Variants in SPTBN1 observed in about 807,000 individuals in gnomAD.
SPTBN1 encodes spectrin beta, non-erythrocytic 1.
In SPTBN1, 32 loss-of-function variants were observed where a neutral mutation model predicts 266.4. That is an observed-to-expected ratio of 0.12 (90% confidence interval 0.09 to 0.16). The LOEUF is 0.16. Among genes scored for constraint, SPTBN1 ranks in the 10% least tolerant of loss-of-function variants. SPTBN1 has a pLI of 1.00. For synonymous variants in SPTBN1, 1,336 were observed against 1,162.2 expected (o/e 1.15, Z -3.04); for missense variants, 2,296 against 3,067.1 (o/e 0.75, Z 5.94).
intron 1 of SPTBN1, among the ~76,000 whole-genome samples, chr2:54,464,081 T>C (rs1312794212): frequency 6.6e-6 from 1 of 152,196 alleles, no homozygotes; most frequent in African/African-American, 2.4e-5. Context: ...CATCACCTGT[T>C]GAGAGCATAT....
intron 6 of SPTBN1, among the ~76,000 whole-genome samples, 153 bp from the exon 7 acceptor site, chr2:54,617,925 G>C (rs1677719558): frequency 6.6e-6 from 1 of 151,908 alleles, no homozygotes; most frequent in South Asian, 2.1e-4. Context: ...CAAAAATCAG[G>C]TTTCATTGTT....
chr2:54,645,764 C>T lies in SPTBN1; in HGVS notation c.4495-164C>T, dbSNP rs1228657508. On this transcript the variant is annotated intron_variant, in intron 21 of 35. Coordinates refer to ENST00000356805, the MANE Select transcript of SPTBN1 (RefSeq NM_003128.3). The surrounding 1 kb of genome is among the most constrained non-coding windows in gnomAD (Gnocchi z 4.3). Reference sequence around the variant, plus strand: ...AGAGTTGGAAAGACTCTCCCTAGCCCTGTCTCGGAGAACAAGGGCGTGCTT... The same window carrying T: ...AGAGTTGGAAAGACTCTCCCTAGCCTTGTCTCGGAGAACAAGGGCGTGCTT... Among the ~76,000 whole-genome samples the T allele has an allele frequency of 6.6e-6, 1 of 152,210 alleles. No individual in the cohort carries two copies. Among genetic ancestry groups the T allele is most frequent in the Non-Finnish European group, 1.5e-5 (1 of 68,028 alleles).
intron 3 of SPTBN1, among the ~76,000 whole-genome samples, chr2:54,601,447 A>G (rs146749858): frequency 1.4e-3 from 211 of 152,292 alleles, no homozygotes; most frequent in African/African-American, 5.0e-3. Context: ...CCAGGACCTC[A>G]AGTTAAAGAT....
At chr2:54,665,412 G>A (rs1681304527) in intron 33 of SPTBN1, among the ~76,000 whole-genome samples, 1 of 152,174 alleles carries the variant, frequency 6.6e-6, no homozygotes, top group Non-Finnish European at 1.5e-5. Flanking sequence ...TACCATAGGG[G>A]AAAAGCCACT....
intron 1 of SPTBN1, among the ~76,000 whole-genome samples, chr2:54,467,205 C>T (rs537085163): frequency 6.8e-6 from 1 of 147,188 alleles, no homozygotes; most frequent in Non-Finnish European, 1.5e-5. Context: ...TCTTCACCAG[C>T]TGTAAAGTCT....
intron 16 of SPTBN1, among the ~76,000 whole-genome samples, chr2:54,631,923 C>T (rs1469927417): frequency 2.6e-5 from 4 of 151,872 alleles, no homozygotes; most frequent in African/African-American, 7.3e-5. Context: ...TTAAAAGATA[C>T]AGTGAGGGCC....
chr2:54,581,772 A>C (rs1245283180), intron 2 of SPTBN1, among the ~76,000 whole-genome samples: 1 of 152,038 alleles, frequency 6.6e-6, no homozygotes, highest in African/African-American at 2.4e-5. Flanking sequence ...ATTAAACTTC[A>C]TTAATCCTAA....
chr2:54,571,554 CACACACACACACACACACACAT>C (rs1423861056), intron 2 of SPTBN1, among the ~76,000 whole-genome samples: 4 of 48,454 alleles, frequency 8.3e-5, no homozygotes, highest in African/African-American at 2.5e-4. Context: ...TGTACACACA[CACACACACACACACACACACAT>C]ACACACACAC....
At chr2:54,534,932 C>T (rs996902359) in intron 2 of SPTBN1, 1 of 152,278 alleles carries the variant, frequency 6.6e-6, no homozygotes, top group Non-Finnish European at 1.5e-5. Context: ...CAGAGAACCT[C>T]TCTTGATCCT....
chr2:54,552,847 A>C (rs1672657858), intron 2 of SPTBN1, among the ~76,000 whole-genome samples: 1 of 152,182 alleles, frequency 6.6e-6, no homozygotes, highest in Non-Finnish European at 1.5e-5. Flanking sequence ...GTAAGTTGAG[A>C]AGTGGTCTCA....
At chr2:54,567,205 A>C (rs1241830744) in intron 2 of SPTBN1, among the ~76,000 whole-genome samples, 1 of 152,196 alleles carries the variant, frequency 6.6e-6, no homozygotes, top group African/African-American at 2.4e-5. Flanking sequence ...GTTCAGGGTT[A>C]CTGGACCTTA....
intron 2 of SPTBN1, among the ~76,000 whole-genome samples, chr2:54,576,075 G>GTTTTTTTTTTTTTTTTTT (rs1674454332): frequency 9.0e-5 from 1 of 11,056 alleles, no homozygotes; most frequent in Non-Finnish European, 2.0e-4. Context: ...TTTTTTTTGA[G>GTTTTTTTTTTTTTTTTTT]AGACAGTCTG....
intron 1 of SPTBN1, among the ~76,000 whole-genome samples, chr2:54,477,221 T>C (rs1667877665): frequency 6.6e-6 from 1 of 152,188 alleles, no homozygotes; most frequent in South Asian, 2.1e-4. Flanking sequence ...ATTTTATGCC[T>C]GCGTATGTAA....
intron 1 of SPTBN1, chr2:54,516,088 T>G (rs1392273431): frequency 2.0e-5 from 3 of 152,128 alleles, no homozygotes; most frequent in Non-Finnish European, 4.4e-5. Context: ...CTTTTTGATA[T>G]TTTTCTGACA....
At chr2:54,621,327 G>T (rs904072969) in intron 7 of SPTBN1, 73 bp from the exon 8 acceptor site, 12 of 1,079,508 alleles carry the variant, frequency 1.1e-5, no homozygotes, top group Non-Finnish European at 1.7e-5. Flanking sequence ...AGCAGTCGTT[G>T]CATTTGTTCC....
chr2:54,667,947 C>T (rs1418682700), intron 35 of SPTBN1, among the ~76,000 whole-genome samples: 3 of 152,172 alleles, frequency 2.0e-5, no homozygotes, highest in Non-Finnish European at 4.4e-5. Flanking sequence ...TGATGGGACC[C>T]CCGCTGCACC....
rs936608210 is a variant in SPTBN1 at position 54,533,878 on chromosome 2, G to A, written c.148+7312G>A. Among the ~76,000 whole-genome samples the A allele has an allele frequency of 6.8e-6, 1 of 147,688 alleles. No individual in the cohort carries two copies. Among genetic ancestry groups the A allele is most frequent in the Non-Finnish European group, 1.5e-5 (1 of 67,340 alleles). On this transcript the variant is annotated intron_variant, in intron 2 of 35. Coordinates refer to ENST00000356805, the MANE Select transcript of SPTBN1 (RefSeq NM_003128.3). The surrounding 1 kb of genome is among the most constrained non-coding windows in gnomAD (Gnocchi z 4.2). ...CTGTAGTAATTTAGGGGGAAAGATT[G>A]ATCTCTCTCTCTGTCTCTCTCTCAC...
At chr2:54,544,674 T>C (rs6545428) in intron 2 of SPTBN1, among the ~76,000 whole-genome samples, 53,460 of 152,056 alleles carry the variant, frequency 0.35, 9,886 homozygotes, top group East Asian at 0.45. Flanking sequence ...GATATGGCAA[T>C]ATGAATAAGA....
At chr2:54,661,396 T>C (rs2971879) in intron 32 of SPTBN1, 729,401 of 985,706 alleles carry the variant, frequency 0.74, 271,382 homozygotes, top group African/African-American at 0.94. Context: ...ATGTGTTCTC[T>C]ATGAGTTAAG....
Sources: gnomAD v4.1 joint callset for allele counts (sites outside exome capture counted in the v4.1 genomes callset) on GRCh38, gnomAD v4.1.1 for gene constraint, Gnocchi (gnomAD v3.1) non-coding constraint, MANE v1.5 for transcripts, NCBI Gene and HGNC (gene_info 2026-07-23, HGNC 2026-07-21) for gene names.